Variants in SPATA16 observed in about 807,000 individuals in gnomAD.
SPATA16 encodes spermatogenesis associated 16, also known as spermatogenesis-associated protein 16.
In SPATA16, 36 loss-of-function variants were observed where a neutral mutation model predicts 63.3. That is an observed-to-expected ratio of 0.57 (90% CI 0.44 to 0.75). The LOEUF (loss-of-function observed/expected upper bound fraction) is 0.75. Among genes scored for constraint, SPATA16 ranks in the 30% least tolerant of loss-of-function variants. The pLI is 0.00. For synonymous variants in SPATA16, 203 were observed against 216.7 expected (o/e 0.94, Z 0.56); for missense variants, 646 against 679.3 (o/e 0.95, Z 0.54).
intron 10 of SPATA16, among the ~76,000 whole-genome samples, chr3:172,900,010 C>G (rs1168413380): frequency 6.6e-6 from 1 of 152,102 alleles, no homozygotes; most frequent in South Asian, 2.1e-4. Context: ...TATTTTTAGT[C>G]ATACTTTTGC....
chr3:173,134,178 A>G (rs1440234931), intron 1 of SPATA16, among the ~76,000 whole-genome samples: 3 of 152,224 alleles, frequency 2.0e-5, no homozygotes, highest in Non-Finnish European at 2.9e-5. Context: ...ATAAATGTTC[A>G]TTTAATTTAT....
rs187599481 is a variant in SPATA16 at position 172,964,865 on chromosome 3, T to C, written c.934-8041A>G. Among the ~76,000 whole-genome samples the C allele has an allele frequency of 7.9e-5, 12 of 152,240 alleles. No homozygotes were observed. The East Asian group carries it at 2.3e-3, about 29-fold the overall frequency. ...GGCTATTATTTGAGATGACTTTGAG[T>C]GGAAAGATCAGGGATACCTCTGAAG... On this transcript the variant is annotated intron_variant, in intron 5 of 10. Coordinates refer to ENST00000351008, the MANE Select transcript of SPATA16 (RefSeq NM_031955.6).
At chr3:172,954,956 A>G (rs1361729437) in intron 6 of SPATA16, among the ~76,000 whole-genome samples, 11 of 152,322 alleles carry the variant, frequency 7.2e-5, no homozygotes, top group Non-Finnish European at 1.5e-5. Flanking sequence ...TAGCACTAGC[A>G]TACTCTAGCA....
intron 5 of SPATA16, among the ~76,000 whole-genome samples, chr3:172,962,894 T>A (rs1026784987): frequency 6.6e-6 from 1 of 152,158 alleles, no homozygotes; most frequent in African/African-American, 2.4e-5. Context: ...GAGCTACGTT[T>A]TTCAAATTCA....
chr3:172,984,409 G>A (rs991105929), intron 4 of SPATA16, among the ~76,000 whole-genome samples: 2 of 152,074 alleles, frequency 1.3e-5, no homozygotes, highest in Non-Finnish European at 2.9e-5. Flanking sequence ...GCTTTCCTTC[G>A]GTTATCCATC....
chr3:173,119,307 A>G (rs998339866), intron 1 of SPATA16, among the ~76,000 whole-genome samples: 10 of 152,206 alleles, frequency 6.6e-5, no homozygotes, highest in Admixed American at 5.9e-4. Flanking sequence ...CATGTATCCC[A>G]GAACTTAAAG....
Position 172,965,520 on chromosome 3 carries a change from G to T in SPATA16, c.934-8696C>A, listed in dbSNP as rs149586611. On this transcript the variant is annotated intron_variant, in intron 5 of 10. Transcript: ENST00000351008. ...ATCTAGTAAGAGGGATGACTGTGCT[G>T]TGGAAATATTACTCACAGTTTGTTC... Among the ~76,000 whole-genome samples the T allele has an allele frequency of 1.6e-3, 251 of 152,250 alleles. 1 individual carries two copies. Among genetic ancestry groups the T allele is most frequent in the Middle Eastern group, 0.014 (4 of 294 alleles).
At chr3:173,107,357 G>A in intron 2 of SPATA16, among the ~76,000 whole-genome samples, 1 of 151,968 alleles carries the variant, frequency 6.6e-6, no homozygotes, top group South Asian at 2.1e-4. Context: ...TTTAGTAGTG[G>A]CATTCAAGTA....
At chr3:172,978,574 G>A (rs1261837608) in intron 4 of SPATA16, among the ~76,000 whole-genome samples, 1 of 152,112 alleles carries the variant, frequency 6.6e-6, no homozygotes, top group Non-Finnish European at 1.5e-5. Flanking sequence ...ATATTTATAG[G>A]AGTTGGGTAC....
rs71162320 is a variant in SPATA16, at chr3:172,962,253, CAAAA to C, written c.934-5433_934-5430del. ...TGGGCAACAGAGCAAGACTCTGTCTCAAAAAAAAAAAAAAAAAAAAAAAAAGGAC... is the reference window on the plus strand; with the variant it reads ...TGGGCAACAGAGCAAGACTCTGTCTCAAAAAAAAAAAAAAAAAAAAAGGAC... On this transcript the variant is annotated intron_variant, in intron 5 of 10. Transcript: ENST00000351008. Among the ~76,000 whole-genome samples, 12 of 47,708 alleles carry C rather than the reference CAAAA, an allele frequency of 2.5e-4. 1 individual carries two copies. The highest frequency in any genetic ancestry group is 8.8e-4 in the African/African-American group (10 of 11,412). The allele number at this position is 47,708 out of a possible 152,430, so 31.3% of individuals were successfully genotyped here. A position where few individuals can be genotyped will look rare whatever the true frequency, so the allele number is the denominator to read the frequency against.
intron 4 of SPATA16, among the ~76,000 whole-genome samples, chr3:173,003,784 A>C (rs1286502391): frequency 1.3e-5 from 2 of 152,236 alleles, no homozygotes; most frequent in African/African-American, 4.8e-5. Flanking sequence ...CAATGACAGC[A>C]GTAGCAGCAG....
intron 6 of SPATA16, among the ~76,000 whole-genome samples, chr3:172,931,339 C>T (rs544263341): frequency 6.6e-6 from 1 of 152,282 alleles, no homozygotes; most frequent in South Asian, 2.1e-4. Flanking sequence ...CTTCAGGGCT[C>T]AGGCAATCCT....
intron 10 of SPATA16, among the ~76,000 whole-genome samples, chr3:172,895,325 A>C (rs1731985108): frequency 6.6e-6 from 1 of 151,960 alleles, no homozygotes; most frequent in South Asian, 2.1e-4. Context: ...TAAACTAATA[A>C]GTTTTTTTTT....
intron 5 of SPATA16, among the ~76,000 whole-genome samples, chr3:172,970,965 C>T (rs1245146427): frequency 6.6e-6 from 1 of 152,022 alleles, no homozygotes; most frequent in East Asian, 1.9e-4. Context: ...AGAAGAAAAA[C>T]AAAGAATAGA....
At chr3:173,042,669 T>G (rs1735871157) in intron 3 of SPATA16, among the ~76,000 whole-genome samples, 1 of 152,168 alleles carries the variant, frequency 6.6e-6, no homozygotes, top group African/African-American at 2.4e-5. Flanking sequence ...TTACTTATAT[T>G]TAAAGAAGAG....
intron 4 of SPATA16, among the ~76,000 whole-genome samples, chr3:173,007,292 G>A (rs1013502354): frequency 6.6e-6 from 1 of 152,122 alleles, no homozygotes; most frequent in Non-Finnish European, 1.5e-5. Context: ...GAAGGGAATG[G>A]GAAATTCTGA....
chr3:173,096,222 T>G (rs913226391), intron 2 of SPATA16, among the ~76,000 whole-genome samples: 5 of 152,096 alleles, frequency 3.3e-5, no homozygotes, highest in African/African-American at 1.2e-4. Context: ...GCTGGCACTA[T>G]CATAGGATGG....
At chr3:172,925,810 T>C (rs979216821) in intron 6 of SPATA16, among the ~76,000 whole-genome samples, 1 of 152,132 alleles carries the variant, frequency 6.6e-6, no homozygotes. Context: ...TTGCTTTGAC[T>C]CTTTACAAGA....
intron 4 of SPATA16, among the ~76,000 whole-genome samples, chr3:172,978,138 CCTCTCTCTCT>C (rs71162321): frequency 2.0e-5 from 3 of 148,288 alleles, no homozygotes; most frequent in Non-Finnish European, 4.5e-5. Flanking sequence ...TCTCTCTCTC[CCTCTCTCTCT>C]CTCTCTCTCT....
Sources: allele counts gnomAD v4.1 joint callset (sites outside exome capture counted in the v4.1 genomes callset), GRCh38; gene constraint gnomAD v4.1.1; transcripts MANE v1.5; gene names NCBI Gene and HGNC (gene_info 2026-07-23, HGNC 2026-07-21).